ULK2: variants seen among roughly 807,000 people sequenced by gnomAD.
ULK2 encodes the protein serine/threonine-protein kinase ULK2.
Under a neutral mutation model 127.5 loss-of-function variants are expected in ULK2, and 76 were observed. The ratio of observed to expected loss-of-function variants is 0.60; its 90% CI spans 0.50 to 0.72. The LOEUF (loss-of-function observed/expected upper bound fraction) is 0.72, where lower values mean the gene tolerates loss of function less well. Ranked by LOEUF, ULK2 falls within the 30% of genes least tolerant of loss-of-function variation. The pLI, the probability that ULK2 is intolerant of heterozygous loss-of-function variation, is 0.00. For missense variants in ULK2, 1,144 were observed against 1,295.9 expected, an observed-to-expected ratio of 0.88 and a Z score of 1.80; for synonymous variants, 452 against 461.9, an observed-to-expected ratio of 0.98 and a Z score of 0.28.
At chr17:19,854,288 A>G (rs113414633) in intron 3 of ULK2, among the ~76,000 whole-genome samples, 2,379 of 151,242 alleles carry the variant, frequency 0.016, 65 homozygotes, top group African/African-American at 0.054. Flanking sequence ...AAAAAAAAAA[A>G]GCACACACAA....
intron 13 of ULK2, among the ~76,000 whole-genome samples, chr17:19,813,725 T>C (rs1236038911): frequency 1.3e-5 from 2 of 152,040 alleles, no homozygotes; most frequent in Non-Finnish European, 2.9e-5. Flanking sequence ...AGAAAAAAGA[T>C]AACTAGAAGA....
chr17:19,814,704 G>A lies in ULK2; in HGVS notation c.1096+2045C>T, dbSNP rs116819715. ...TCTGACTACAGGTGTGCACCACCAC[G>A]TCTGGCTAACCTTTTAGTTTCTGTA... On this transcript the variant is annotated intron_variant, in intron 13 of 26. Transcript: ENST00000395544. Among the ~76,000 whole-genome samples, 984 of 151,926 alleles carry A rather than the reference G, an allele frequency of 6.5e-3. 14 individuals carry two copies. Among genetic ancestry groups the A allele is most frequent in the African/African-American group, 0.023 (946 of 41,400 alleles).
At chr17:19,826,261 G>A (rs534417402) in intron 10 of ULK2, 75 bp from the exon 11 acceptor site, 10 of 883,064 alleles carry the variant, frequency 1.1e-5, no homozygotes, top group East Asian at 3.0e-5. Flanking sequence ...TTTTCTCAAC[G>A]TATTCAATAT....
At chr17:19,789,207 C>A (rs1403625777) in intron 20 of ULK2, among the ~76,000 whole-genome samples, 1 of 151,972 alleles carries the variant, frequency 6.6e-6, no homozygotes, top group African/African-American at 2.4e-5. Context: ...GTTTGCATCA[C>A]CCCACCCCCA....
intron 3 of ULK2, among the ~76,000 whole-genome samples, chr17:19,860,524 CTTTTTTTT>C (rs34701817): frequency 7.2e-6 from 1 of 138,156 alleles, no homozygotes; most frequent in Non-Finnish European, 1.6e-5. Context: ...ATTAATACCT[CTTTTTTTT>C]TTTTTTTTTG....
chr17:19,813,649 C>G (rs1193420566), intron 13 of ULK2, among the ~76,000 whole-genome samples: 1 of 151,926 alleles, frequency 6.6e-6, no homozygotes, highest in Non-Finnish European at 1.5e-5. Context: ...AGAACTGACC[C>G]CTAGGATTTG....
At position 19,782,190 on chromosome 17, in the gene ULK2, G is replaced by A. The variant is rs1252861908; in HGVS notation, c.2461-123C>T. 1.0e-5 allele frequency: 11 copies of A among 1,083,250 alleles called. 1 individual carries two copies. The highest frequency in any genetic ancestry group is 5.3e-5 in the East Asian group (2 of 37,932). 67.1% of individuals were successfully genotyped at this position (1,083,250 alleles called of 1,614,324 possible). ...ACTTATGAGTATCAGAATGACAAAA[G>A]GAGATTGAAATTTTTAAATTTCAGA... On this transcript the variant is annotated intron_variant, in intron 22 of 26. Transcript: ENST00000395544.
At chr17:19,801,593 G>C (rs531087226) in intron 16 of ULK2, among the ~76,000 whole-genome samples, 184 bp downstream of exon 16, 1 of 152,004 alleles carries the variant, frequency 6.6e-6, no homozygotes, top group African/African-American at 2.4e-5. Context: ...AATAGAGAAA[G>C]AAAAGGAAAA....
chr17:19,795,820 A>ATC, intron 19 of ULK2, 95 bp from the exon 20 acceptor site: 1 of 1,179,446 alleles, frequency 8.5e-7, no homozygotes, highest in Non-Finnish European at 1.2e-6. Flanking sequence ...AACAAGAAAT[A>ATC]GATACCAAAC....
chr17:19,818,786 T>G (rs1338243410), intron 12 of ULK2, among the ~76,000 whole-genome samples: 1 of 133,448 alleles, frequency 7.5e-6, no homozygotes, highest in African/African-American at 2.9e-5. Context: ...TCTTCATTTC[T>G]TTTCTTTTTT....
At chr17:19,861,425 G>C (rs1597826383) in intron 3 of ULK2, among the ~76,000 whole-genome samples, 1 of 151,882 alleles carries the variant, frequency 6.6e-6, no homozygotes, top group African/African-American at 2.4e-5. Flanking sequence ...GGCGCCTGTA[G>C]TCCTAGCTAC....
rs2041255256 is a variant in ULK2 at position 19,825,119 on chromosome 17, G to A, written c.899C>T (p.Pro300Leu). ...TGGTGGAGAAGCAAAACGACAAGAT[G>A]GAGAGCTGCCACAGGAGCTTCCAGA... ...SVSGSSCGSS[P>L]SCRFASPPSL... The change falls in exon 12 of 27, where the codon CCA becomes CTA. Residue 300 changes from proline to leucine, a missense_variant. Pro to Leu is a moderately conservative substitution (Grantham distance 98). This residue lies in a region of ULK2 where 913 missense variants were observed against 970.5 expected (regional missense o/e 0.94). Coordinates refer to ENST00000395544, the MANE Select transcript of ULK2 (RefSeq NM_014683.4). 2.5e-6 allele frequency: 4 copies of A among 1,614,086 alleles called. No individual in the cohort carries two copies. The highest frequency in any genetic ancestry group is 3.4e-6 in the Non-Finnish European group (4 of 1,180,050).
intron 21 of ULK2, among the ~76,000 whole-genome samples, chr17:19,784,631 C>A (rs1407071517): frequency 1.5e-5 from 2 of 129,962 alleles, no homozygotes; most frequent in Non-Finnish European, 3.1e-5. Flanking sequence ...TCAGGTAATT[C>A]TTTCACCTCA....
chr17:19,780,936 G>A, intron 24 of ULK2, 50 bp downstream of exon 24: 1 of 1,534,024 alleles, frequency 6.5e-7, no homozygotes, highest in Non-Finnish European at 9.0e-7. Flanking sequence ...TGATGGGAAA[G>A]AGCAACTTAA....
chr17:19,829,548 A>AAGGAGG (rs531835867), intron 10 of ULK2, among the ~76,000 whole-genome samples: 1 of 25,514 alleles, frequency 3.9e-5, no homozygotes, highest in African/African-American at 1.2e-4. Flanking sequence ...GAAAAAAAAA[A>AAGGAGG]GGGGGGGGGC....
At chr17:19,797,726 G>A (rs754824330) in intron 17 of ULK2, 44 bp from the exon 18 acceptor site, 1 of 1,400,808 alleles carries the variant, frequency 7.1e-7, no homozygotes, top group South Asian at 1.9e-5. Flanking sequence ...GTGAAGAAGT[G>A]CAGTGCAAAA....
At chr17:19,796,442 C>T (rs748101627) in intron 18 of ULK2, among the ~76,000 whole-genome samples, 160 bp from the exon 19 acceptor site, 6 of 151,870 alleles carry the variant, frequency 4.0e-5, no homozygotes, top group African/African-American at 9.7e-5. Context: ...CTTGGAAGGC[C>T]GGGAGGTTTT....
intron 11 of ULK2, 113 bp from the exon 12 acceptor site, chr17:19,825,295 T>C (rs2041260371): frequency 1.3e-6 from 1 of 783,110 alleles, no homozygotes; most frequent in Admixed American, 2.9e-5. Context: ...AAAATCTGCA[T>C]TTACCTATTT....
In ULK2 at chr17:19,801,817, G is replaced by C; in HGVS notation, c.1401C>G (p.Leu467=). 6.2e-7 allele frequency: 1 copy of C among 1,614,214 alleles called. No individual in the cohort carries two copies. Among genetic ancestry groups the C allele is most frequent in the Non-Finnish European group, 8.5e-7 (1 of 1,180,030 alleles). The change falls in exon 16 of 27, where the codon CTC becomes CTG. Residue 467 remains leucine, a synonymous_variant. Coordinates refer to ENST00000395544, the MANE Select transcript of ULK2 (RefSeq NM_014683.4). The stretch of plus-strand genomic sequence containing the variant: ...AGTAAGGCCTAGAAGACCCAGTGGA[G>C]AGCCTTCGTCCAACTGTCTGTGCTG... ...ADTAQTVGRR[L]STGSSRPYSP... is the part of the protein sequence containing the mutation.
Sources: allele counts gnomAD v4.1 joint callset (sites outside exome capture counted in the v4.1 genomes callset), GRCh38; gene constraint gnomAD v4.1.1; regional missense constraint gnomAD v4.1.1; transcripts MANE v1.5; gene names NCBI Gene and HGNC (gene_info 2026-07-23, HGNC 2026-07-21).